The following PCNX1 variants were observed in gnomAD, a reference collection of about 807,000 sequenced individuals.
PCNX1 encodes pecanex-like protein 1.
PCNX1 carries 78 observed loss-of-function variants against 242.2 expected under a neutral mutation model. That is an observed-to-expected ratio of 0.32 (90% CI 0.27 to 0.39). PCNX1 has a LOEUF of 0.39. Among genes scored for constraint, PCNX1 ranks in the 10% least tolerant of loss-of-function variants. The pLI is 1.00. For missense variants in PCNX1, 2,581 were observed against 2,856.5 expected (o/e 0.90, Z 2.20); for synonymous variants, 1,024 against 1,032.9 (o/e 0.99, Z 0.17).
chr14:70,932,646 C>T (rs2056847589), intron 1 of PCNX1, among the ~76,000 whole-genome samples: 1 of 151,514 alleles, frequency 6.6e-6, no homozygotes, highest in South Asian at 2.1e-4. Flanking sequence ...GAATTTCGCT[C>T]TTGTTGCCCA....
chr14:71,089,117 A>G, intron 29 of PCNX1, 75 bp from the exon 30 acceptor site: 1 of 1,086,704 alleles, frequency 9.2e-7, no homozygotes, highest in Admixed American at 2.1e-5. Flanking sequence ...ATTCTGATGC[A>G]CACGCAGATG....
chr14:70,908,158 C>T (rs2055651011), intron 1 of PCNX1, among the ~76,000 whole-genome samples, 155 bp downstream of exon 1: 1 of 152,136 alleles, frequency 6.6e-6, no homozygotes, highest in African/African-American at 2.4e-5. Flanking sequence ...TGCTCCCACT[C>T]CTCTCTTCGG....
intron 8 of PCNX1, among the ~76,000 whole-genome samples, chr14:71,008,427 C>T (rs2059726199): frequency 6.6e-6 from 1 of 151,964 alleles, no homozygotes; most frequent in Non-Finnish European, 1.5e-5. Flanking sequence ...GAGGCTGAGG[C>T]AGGTGGATCA....
At position 71,108,733 on chromosome 14, in the gene PCNX1, G is replaced by T. The variant is rs201447456; in HGVS notation, c.6431G>T (p.Gly2144Val). Residue 2144 changes from glycine (G) to valine (V), a missense_variant, in exon 34 of 36, where the codon GGG becomes GTG. Coordinates refer to ENST00000304743, the MANE Select transcript of PCNX1 (RefSeq NM_014982.3). Reference protein sequence around the residue: ...RHSSLRMSTTGFVPCRRSSTS... With the variant: ...RHSSLRMSTTVFVPCRRSSTS... ...TCATCCCTCCGGATGTCCACCACTGGGTTTGTGCCTTGTCGGCGCTCTTCT... is the reference window on the plus strand; with the variant it reads ...TCATCCCTCCGGATGTCCACCACTGTGTTTGTGCCTTGTCGGCGCTCTTCT... The T allele has an allele frequency of 7.4e-6, 12 of 1,614,200 alleles. No homozygotes were observed. The highest frequency in any genetic ancestry group is 1.0e-5 in the Non-Finnish European group (12 of 1,180,038).
In PCNX1 at chr14:71,044,216, G is replaced by T. The variant is rs920891781; in HGVS notation, c.3868-917G>T. 2.6e-5 allele frequency among the ~76,000 whole-genome samples: 4 copies of T among 152,186 alleles called. 1 individual carries two copies. The highest frequency in any genetic ancestry group is 4.4e-5 in the Non-Finnish European group (3 of 68,024). On this transcript the variant is annotated intron_variant, in intron 19 of 35. Transcript: ENST00000304743. ...TAGTCCTCAGGTGCCAGTAGTGGCT[G>T]CAGTGGGTTGGGTGTGCTAGTCCTT...
chr14:71,032,003 TC>T, intron 16 of PCNX1: 1 of 1,021,462 alleles, frequency 9.8e-7, no homozygotes, highest in Non-Finnish European at 1.5e-6. Flanking sequence ...AAGAAAGAAT[TC>T]AAGACACGGA....
At chr14:70,909,884 GATA>G (rs1403200859) in intron 1 of PCNX1, among the ~76,000 whole-genome samples, 1 of 152,054 alleles carries the variant, frequency 6.6e-6, no homozygotes, top group Non-Finnish European at 1.5e-5. Flanking sequence ...ACCTGAAATG[GATA>G]ATAAGATGGA....
intron 8 of PCNX1, among the ~76,000 whole-genome samples, chr14:71,005,092 G>T (rs2059615480): frequency 6.6e-6 from 1 of 152,166 alleles, no homozygotes; most frequent in Admixed American, 6.5e-5. Flanking sequence ...AAATTTAAGA[G>T]ACCTCTTTTG....
intron 30 of PCNX1, 75 bp downstream of exon 30, chr14:71,089,417 A>C: frequency 9.1e-7 from 1 of 1,094,558 alleles, no homozygotes; most frequent in Non-Finnish European, 1.3e-6. Flanking sequence ...ATATTAGTCC[A>C]TTCTCACGCT....
At chr14:70,988,126 T>C (rs2140243789) in intron 6 of PCNX1, among the ~76,000 whole-genome samples, 1 of 152,340 alleles carries the variant, frequency 6.6e-6, no homozygotes, top group South Asian at 2.1e-4. Context: ...TGAAATATAC[T>C]GTCTTTGCTG....
intron 11 of PCNX1, among the ~76,000 whole-genome samples, chr14:71,014,291 TAAG>T (rs1385130775): frequency 6.6e-6 from 1 of 152,094 alleles, no homozygotes; most frequent in African/African-American, 2.4e-5. Context: ...ACATAAAGTC[TAAG>T]AAGATTTATG....
At chr14:70,974,601 A>G (rs998630615) in intron 5 of PCNX1, among the ~76,000 whole-genome samples, 15 of 152,214 alleles carry the variant, frequency 9.9e-5, no homozygotes, top group African/African-American at 3.6e-4. Context: ...GACATGAACA[A>G]CTTTGTGCTA....
intron 1 of PCNX1, among the ~76,000 whole-genome samples, chr14:70,938,137 G>A (rs928887767): frequency 7.2e-5 from 11 of 152,064 alleles, no homozygotes; most frequent in South Asian, 4.1e-4. Flanking sequence ...TCTCCTGCCT[G>A]ATTGCCCTGG....
At chr14:71,101,952 T>C (rs777585056) in intron 30 of PCNX1, 38 bp from the exon 31 acceptor site, 3 of 1,221,994 alleles carry the variant, frequency 2.5e-6, no homozygotes, top group Non-Finnish European at 3.4e-6. Context: ...AGTTCTTTTA[T>C]TTTCCTTTAA....
chr14:71,042,896 A>G (rs1387299690), intron 19 of PCNX1, among the ~76,000 whole-genome samples: 1 of 151,984 alleles, frequency 6.6e-6, no homozygotes, highest in African/African-American at 2.4e-5. Flanking sequence ...TTCTTTATCA[A>G]TGTTTTTATC....
chr14:70,950,059 A>G (rs1289204875), intron 2 of PCNX1, among the ~76,000 whole-genome samples: 1 of 152,198 alleles, frequency 6.6e-6, no homozygotes, highest in Non-Finnish European at 1.5e-5. Context: ...ATATTTCTGT[A>G]TATTTTCCAG....
At chr14:71,004,170 G>A (rs1294254531) in intron 8 of PCNX1, among the ~76,000 whole-genome samples, 1 of 152,196 alleles carries the variant, frequency 6.6e-6, no homozygotes, top group Non-Finnish European at 1.5e-5. Context: ...TTGAATTGTT[G>A]CAACAGAGGT....
At chr14:71,016,535 A>G (rs1271758118) in intron 11 of PCNX1, among the ~76,000 whole-genome samples, 1 of 152,208 alleles carries the variant, frequency 6.6e-6, no homozygotes, top group Non-Finnish European at 1.5e-5. Flanking sequence ...AAGGTCCACT[A>G]TCCAATCATA....
chr14:70,937,064 T>A (rs2057036172), intron 1 of PCNX1, among the ~76,000 whole-genome samples: 1 of 151,236 alleles, frequency 6.6e-6, no homozygotes, highest in African/African-American at 2.4e-5. Context: ...TTGTAAAAAT[T>A]TTCTCCCGTT....
Sources: allele counts gnomAD v4.1 joint callset (sites outside exome capture counted in the v4.1 genomes callset), GRCh38; gene constraint gnomAD v4.1.1; transcripts MANE v1.5; gene names NCBI Gene and HGNC (gene_info 2026-07-23, HGNC 2026-07-21).